CCDC171: variants seen among roughly 807,000 people sequenced by gnomAD.
CCDC171 encodes the protein coiled-coil domain containing 171, also known as coiled-coil domain-containing protein 171.
CCDC171 carries 177 observed loss-of-function variants against 168.2 expected under a neutral mutation model. That is an observed-to-expected ratio of 1.05 (90% CI 0.93 to 1.19). CCDC171 has a LOEUF of 1.19. CCDC171 is among the 50% of genes most tolerant of loss of function. The pLI is 0.00. For missense variants in CCDC171, 1,991 were observed against 1,539.0 expected, an observed-to-expected ratio of 1.29 and a Z score of -4.91; for synonymous variants, 687 against 540.8, an observed-to-expected ratio of 1.27 and a Z score of -3.75.
At chr9:16,017,329 A>G (rs1237878899) in intron 3 of CCDC171, among the ~76,000 whole-genome samples, 1 of 152,096 alleles carries the variant, frequency 6.6e-6, no homozygotes, top group Non-Finnish European at 1.5e-5. Flanking sequence ...TTTGATTTAA[A>G]AACTCAGTAG....
At chr9:15,846,574 C>G (rs147893867) in intron 21 of CCDC171, 128 bp from the exon 22 acceptor site, 2 of 847,392 alleles carry the variant, frequency 2.4e-6, no homozygotes, top group Non-Finnish European at 1.8e-6. Flanking sequence ...ATTTGTTAAA[C>G]TTTGATGTGT....
At chr9:16,093,771 A>G in the CCDC171 span, among the ~76,000 whole-genome samples, 2 of 152,224 alleles carry the variant, frequency 1.3e-5, no homozygotes, top group Non-Finnish European at 1.5e-5. Context: ...GCTAACCAAC[A>G]TAAGTGAGTA....
chr9:15,640,386 C>G (rs2046510509), intron 7 of CCDC171, among the ~76,000 whole-genome samples: 1 of 151,784 alleles, frequency 6.6e-6, no homozygotes, highest in African/African-American at 2.4e-5. Flanking sequence ...AGTAGGAGAG[C>G]TACTTAAAAA....
intron 16 of CCDC171, among the ~76,000 whole-genome samples, chr9:15,742,736 T>A (rs1413255770): frequency 2.0e-5 from 3 of 152,210 alleles, no homozygotes; most frequent in Non-Finnish European, 4.4e-5. Context: ...ATCATAGCAT[T>A]ATACCATGCT....
intron 8 of CCDC171, 46 bp from the exon 9 acceptor site, chr9:15,666,117 C>G: frequency 6.4e-7 from 1 of 1,550,600 alleles, no homozygotes; most frequent in Non-Finnish European, 8.9e-7. Flanking sequence ...AAGATTGATG[C>G]TAGCATTTCT....
the CCDC171 span, among the ~76,000 whole-genome samples, chr9:16,096,549 T>C: frequency 0.43 from 65,111 of 152,046 alleles, 14,926 homozygotes; most frequent in African/African-American, 0.59. Context: ...GTCCTGGAAG[T>C]CTTGTTCTTT....
At chr9:16,058,458 G>A (rs1042848366) in intron 1 of CCDC171, among the ~76,000 whole-genome samples, 3 of 152,164 alleles carry the variant, frequency 2.0e-5, no homozygotes, top group South Asian at 2.1e-4. Flanking sequence ...TCACCTCCCC[G>A]TCCAGATGTG....
intron 21 of CCDC171, among the ~76,000 whole-genome samples, chr9:15,806,905 G>C (rs185380389): frequency 5.3e-5 from 8 of 152,194 alleles, no homozygotes; most frequent in African/African-American, 1.9e-4. Context: ...ATGTTTCTCA[G>C]AGGCTTTATT....
intron 7 of CCDC171, among the ~76,000 whole-genome samples, chr9:15,626,279 T>G (rs865991005): frequency 8.5e-5 from 13 of 152,226 alleles, no homozygotes; most frequent in Admixed American, 3.3e-4. Flanking sequence ...TTTGACTTCC[T>G]CTTTTCCTCA....
chr9:15,956,872 A>G (rs894216000), intron 25 of CCDC171, among the ~76,000 whole-genome samples: 1 of 152,098 alleles, frequency 6.6e-6, no homozygotes, highest in Non-Finnish European at 1.5e-5. Context: ...TTTTAATGCC[A>G]GGTAGTCTTT....
chr9:15,932,285 T>A lies in CCDC171; in HGVS notation c.3753+11863T>A, dbSNP rs537534329. 2.2e-4 allele frequency among the ~76,000 whole-genome samples: 33 copies of A among 152,028 alleles called. 1 individual carries two copies. In the South Asian group the frequency reaches 6.6e-3, roughly 31 times the overall value. Reference sequence around the variant, plus strand: ...TTTATTTGTATCCTCTTCACTTTATTTTATTAAAATGTTATAGTGTTCAGT... The same window carrying A: ...TTTATTTGTATCCTCTTCACTTTATATTATTAAAATGTTATAGTGTTCAGT... On this transcript the variant is annotated intron_variant, in intron 25 of 25. Coordinates refer to ENST00000380701, the MANE Select transcript of CCDC171 (RefSeq NM_173550.4).
At chr9:15,718,387 G>C (rs2053228548) in intron 11 of CCDC171, among the ~76,000 whole-genome samples, 1 of 152,214 alleles carries the variant, frequency 6.6e-6, no homozygotes, top group South Asian at 2.1e-4. Flanking sequence ...ATCTTCCCAG[G>C]ACCTGGGGGA....
intron 6 of CCDC171, among the ~76,000 whole-genome samples, chr9:15,620,686 A>C (rs545495290): frequency 1.3e-5 from 2 of 152,374 alleles, no homozygotes; most frequent in African/African-American, 4.8e-5. Context: ...ATAGGGTTTC[A>C]GTTTTGAAAG....
chr9:15,895,093 C>T (rs566289743), intron 24 of CCDC171, among the ~76,000 whole-genome samples: 96 of 152,084 alleles, frequency 6.3e-4, no homozygotes, highest in Non-Finnish European at 8.4e-4. Flanking sequence ...AGCCATGTCA[C>T]TTTTTAGCAA....
intron 6 of CCDC171, among the ~76,000 whole-genome samples, chr9:15,600,799 CG>C (rs1564022331): frequency 6.6e-6 from 1 of 152,198 alleles, no homozygotes; most frequent in Middle Eastern, 3.2e-3. Context: ...TCGAGCTTCC[CG>C]GCCACTTTGT....
intron 21 of CCDC171, among the ~76,000 whole-genome samples, chr9:15,823,089 A>G (rs2136126937): frequency 6.6e-6 from 1 of 152,300 alleles, no homozygotes; most frequent in East Asian, 1.9e-4. Context: ...GCAAGGAGAA[A>G]AAACCAAACA....
chr9:15,634,513 G>A (rs1414792652), intron 7 of CCDC171, among the ~76,000 whole-genome samples: 2 of 152,086 alleles, frequency 1.3e-5, no homozygotes, highest in African/African-American at 2.4e-5. Context: ...TTCAGCTTCT[G>A]GTTCAGATTT....
chr9:15,765,635 G>T (rs1014046836), intron 18 of CCDC171, among the ~76,000 whole-genome samples: 1 of 152,040 alleles, frequency 6.6e-6, no homozygotes, highest in Non-Finnish European at 1.5e-5. Context: ...AAGGTGAGAA[G>T]ATATTGGTTA....
At chr9:16,070,678 C>T in the CCDC171 span, among the ~76,000 whole-genome samples, 2 of 152,180 alleles carry the variant, frequency 1.3e-5, no homozygotes, top group Admixed American at 6.5e-5. Context: ...GCCTGGTTTC[C>T]TCTCTGGCCA....
Sources: gnomAD v4.1 joint callset for allele counts (sites outside exome capture counted in the v4.1 genomes callset) on GRCh38, gnomAD v4.1.1 for gene constraint, MANE v1.5 for transcripts, NCBI Gene and HGNC (gene_info 2026-07-23, HGNC 2026-07-21) for gene names.